Variants in AKAP13 observed in about 807,000 individuals in gnomAD.
AKAP13 encodes the protein A-kinase anchor protein 13.
AKAP13 carries 80 observed loss-of-function variants against 264.5 expected under a neutral mutation model. The ratio of observed to expected loss-of-function variants is 0.30; its 90% CI spans 0.25 to 0.36. The LOEUF (loss-of-function observed/expected upper bound fraction) is 0.36. Among genes scored for constraint, AKAP13 ranks in the 10% least tolerant of loss-of-function variants. AKAP13 has a pLI of 1.00. For synonymous variants in AKAP13, 1,380 were observed against 1,250.2 expected (o/e 1.10, Z -2.19); for missense variants, 3,712 against 3,435.2 (o/e 1.08, Z -2.01).
chr15:85,480,394 G>A (rs546185714), intron 1 of AKAP13, among the ~76,000 whole-genome samples: 7 of 152,276 alleles, frequency 4.6e-5, no homozygotes, highest in African/African-American at 1.7e-4. Context: ...GCCTGTCAGT[G>A]TGCTTTAATA....
Position 85,746,570 on chromosome 15 carries a change from G to A in AKAP13, c.*1893G>A, listed in dbSNP as rs2089375109. 1 of 152,076 alleles carries A rather than the reference G, an allele frequency of 6.6e-6. No individual in the cohort carries two copies. 9.4% of individuals were successfully genotyped at this position (152,076 alleles called of 1,614,324 possible). On this transcript the variant is annotated 3_prime_UTR_variant, in exon 37 of 37. Coordinates refer to ENST00000394518, the MANE Select transcript of AKAP13 (RefSeq NM_007200.5). ...CCTACCTTTGCCTTTTTCTGTCATGGAGAATACTCACCCTTCAGAAACAGA... is the reference window on the plus strand; with the variant it reads ...CCTACCTTTGCCTTTTTCTGTCATGAAGAATACTCACCCTTCAGAAACAGA...
At chr15:85,394,111 A>G (rs2071000004) in intron 1 of AKAP13, among the ~76,000 whole-genome samples, 1 of 152,198 alleles carries the variant, frequency 6.6e-6, no homozygotes. Context: ...TCATGTGTAA[A>G]CTATATAGGA....
rs899349803 is a variant in AKAP13 at position 85,461,371 on chromosome 15, C to T, written c.-11-24339C>T. 3.3e-5 allele frequency among the ~76,000 whole-genome samples: 5 copies of T among 152,184 alleles called. No individual in the cohort carries two copies. The East Asian group carries it at 7.7e-4, about 23-fold the overall frequency. ...CTTCAGGTGATCTGCCCGCCTCGGC[C>T]TCCCAGAGTGCTGGGATTACAGGTG... On this transcript the variant is annotated intron_variant, in intron 1 of 36. Transcript: ENST00000394518.
At position 85,579,263 on chromosome 15, in the gene AKAP13, A is replaced by G. The variant is rs377036692; in HGVS notation, c.1195A>G (p.Ser399Gly). The change falls in exon 7 of 37, where the codon AGC becomes GGC. Residue 399 changes from serine to glycine, a missense_variant. Physicochemically the swap from Ser to Gly is moderately conservative, Grantham distance 56. Around this residue, in one of 3 missense-constraint regions of AKAP13, gnomAD observed 2,759 missense variants for 2,411.7 expected, o/e 1.14. Transcript: ENST00000394518. The part of the protein sequence containing the change: ...VDSGTVSDQD[S>G]CLQSLPDCGV... ...CTCTGGAACTGTATCTGATCAAGAC[A>G]GCTGCCTTCAGAGCTTGCCTGATTG... 2 of 1,614,122 alleles carry G rather than the reference A, an allele frequency of 1.2e-6. No individual in the cohort carries two copies. The highest frequency in any genetic ancestry group is 4.5e-5 in the East Asian group (2 of 44,904).
In AKAP13 at chr15:85,719,259, A is replaced by C; in HGVS notation, c.6185A>C (p.Glu2062Ala). ...FFQRILERKK[E>A]SLVDKSEKNF... ...CAGAGGATTCTGGAGCGGAAGAAGG[A>C]GTCTCTGGTGGATAAAAGTGAAAAG... The change falls in exon 23 of 37, where the codon GAG becomes GCG. Residue 2062 changes from glutamate (E) to alanine (A), a missense_variant. Transcript: ENST00000394518. 6 of 1,614,170 alleles carry C rather than the reference A, an allele frequency of 3.7e-6. No individual in the cohort carries two copies. The highest frequency in any genetic ancestry group is 5.1e-6 in the Non-Finnish European group (6 of 1,180,032).
rs117407387 is a variant in AKAP13 at position 85,567,781 on chromosome 15, A to G, written c.663-7350A>G. 9.4e-3 allele frequency among the ~76,000 whole-genome samples: 1,433 copies of G among 152,216 alleles called. 10 individuals carry two copies. The highest frequency in any genetic ancestry group is 0.017 in the Admixed American group (260 of 15,294). On this transcript the variant is annotated intron_variant, in intron 5 of 36. Coordinates refer to ENST00000394518, the MANE Select transcript of AKAP13 (RefSeq NM_007200.5). ...CCAAAAAAAAGTGATAAAGAGAAAT[A>G]CTTTGTTTACTCGTATTTTTATATT... is the stretch of plus-strand genomic sequence containing the variant.
intron 8 of AKAP13, among the ~76,000 whole-genome samples, chr15:85,592,046 C>CT (rs386383662): frequency 0.18 from 19,214 of 105,298 alleles, 1,976 homozygotes; most frequent in East Asian, 0.36. Context: ...GAACCATGAT[C>CT]TTTTTTTTTT....
intron 2 of AKAP13, among the ~76,000 whole-genome samples, chr15:85,507,660 A>G (rs1248571339): frequency 6.6e-6 from 1 of 152,362 alleles, no homozygotes; most frequent in East Asian, 1.9e-4. Flanking sequence ...TAGTCAACCA[A>G]TTTGGATGTC....
chr15:85,667,881 A>ATT (rs1003499793), intron 13 of AKAP13, among the ~76,000 whole-genome samples: 3 of 152,222 alleles, frequency 2.0e-5, no homozygotes, highest in African/African-American at 7.2e-5. Flanking sequence ...ATAACCCTGC[A>ATT]TTTTAGTAAG....
At chr15:85,707,977 G>C in intron 17 of AKAP13, 42 bp from the exon 18 acceptor site, 2 of 1,605,050 alleles carry the variant, frequency 1.2e-6, no homozygotes, top group Non-Finnish European at 8.5e-7. Flanking sequence ...TCTGGGATCT[G>C]TTTGCTTTGT....
chr15:85,677,514 G>A (rs571676844), intron 14 of AKAP13, among the ~76,000 whole-genome samples: 1 of 152,148 alleles, frequency 6.6e-6, no homozygotes, highest in African/African-American at 2.4e-5. Flanking sequence ...GTTCATCTGT[G>A]GTGTTTAAAA....
In AKAP13 at chr15:85,744,668, C is replaced by G; in HGVS notation, c.8433C>G (p.Ile2811Met). ...ASEVSAEGEE[I>M]FC The stretch of plus-strand genomic sequence containing the variant: ...AAGTATCAGCAGAGGGTGAAGAGAT[C>G]TTCTGCTGACCCTCTTCCTCTCTGC... Residue 2811 changes from isoleucine (I) to methionine (M), a missense_variant, in exon 37 of 37, where the codon ATC (isoleucine) becomes ATG (methionine). By Grantham distance (10) the Ile-to-Met change is conservative. Coordinates refer to ENST00000394518, the MANE Select transcript of AKAP13 (RefSeq NM_007200.5). 6.2e-7 allele frequency: 1 copy of G among 1,609,168 alleles called. No homozygotes were observed. Among genetic ancestry groups the G allele is most frequent in the Non-Finnish European group, 8.5e-7 (1 of 1,177,886 alleles).
chr15:85,456,443 T>G lies in AKAP13; in HGVS notation c.-11-29267T>G, dbSNP rs759646808. On this transcript the variant is annotated intron_variant, in intron 1 of 36. Transcript: ENST00000394518. Reference sequence around the variant, plus strand: ...CACCCACTGCTCTCACTTTTCTGTTTTCTTCTTTTTAAAAAATTTTATTTT... The same window carrying G: ...CACCCACTGCTCTCACTTTTCTGTTGTCTTCTTTTTAAAAAATTTTATTTT... 8.4e-4 allele frequency among the ~76,000 whole-genome samples: 128 copies of G among 152,088 alleles called. 9 individuals carry two copies. Among genetic ancestry groups the G allele is most frequent in the Non-Finnish European group, 4.4e-5 (3 of 68,014 alleles).
At chr15:85,456,179 T>C (rs1299934609) in intron 1 of AKAP13, among the ~76,000 whole-genome samples, 2 of 152,226 alleles carry the variant, frequency 1.3e-5, no homozygotes, top group African/African-American at 4.8e-5. Flanking sequence ...TCATACCCTT[T>C]CTGGCTTTCC....
At chr15:85,428,711 G>A (rs899238176) in intron 1 of AKAP13, among the ~76,000 whole-genome samples, 2 of 152,192 alleles carry the variant, frequency 1.3e-5, no homozygotes, top group Non-Finnish European at 2.9e-5. Context: ...TGGCTTTCTG[G>A]TGATCTTGCA....
At chr15:85,723,672 C>G (rs1405501040) in intron 26 of AKAP13, among the ~76,000 whole-genome samples, 1 of 152,128 alleles carries the variant, frequency 6.6e-6, no homozygotes, top group East Asian at 1.9e-4. Context: ...GAATTGGGAT[C>G]TGTGGCAAAA....
In AKAP13 at chr15:85,664,621, C is replaced by G; in HGVS notation, c.4858C>G (p.Leu1620Val). The stretch of plus-strand genomic sequence containing the variant: ...TGTCGGAAACAAGCCATCCTCATCT[C>G]TAGAAGTAAGCTCTGCAAATGCCGA... ...AGVGNKPSSS[L>V]EVSSANAEEL... The change falls in exon 13 of 37, where the codon CTA becomes GTA. Residue 1620 changes from leucine to valine, a missense_variant. Leu to Val is a conservative substitution (Grantham distance 32). Transcript: ENST00000394518. The G allele has an allele frequency of 6.2e-7, 1 of 1,614,056 alleles. No individual in the cohort carries two copies. Among genetic ancestry groups the G allele is most frequent in the Non-Finnish European group, 8.5e-7 (1 of 1,179,946 alleles).
Position 85,575,161 on chromosome 15 carries a change from C to T in AKAP13, c.693C>T (p.Ser231=), listed in dbSNP as rs770100339. Residue 231 remains serine (S), a synonymous_variant, in exon 6 of 37, where the codon AGC becomes AGT. Transcript: ENST00000394518. ...ATGCTGGAGAACCAGACTCCTGGAG[C>T]AGTTTATCCTATGAAATACCGTATG... is the stretch of plus-strand genomic sequence containing the variant. ...EENAGEPDSW[S]SLSYEIPYGD... 6.2e-7 allele frequency: 1 copy of T among 1,614,080 alleles called. No homozygotes were observed. Among genetic ancestry groups the T allele is most frequent in the Non-Finnish European group, 8.5e-7 (1 of 1,180,012 alleles).
intron 14 of AKAP13, among the ~76,000 whole-genome samples, chr15:85,677,762 G>C (rs936635220): frequency 1.3e-5 from 2 of 151,604 alleles, no homozygotes; most frequent in African/African-American, 2.4e-5. Flanking sequence ...AGCCTCCCGG[G>C]TAGCCTCCTG....
Sources: gnomAD v4.1 joint callset for allele counts (sites outside exome capture counted in the v4.1 genomes callset) on GRCh38, gnomAD v4.1.1 for gene constraint, gnomAD v4.1.1 regional missense constraint, MANE v1.5 for transcripts, NCBI Gene and HGNC (gene_info 2026-07-23, HGNC 2026-07-21) for gene names.